Variants in PCDH7 observed in about 807,000 individuals in gnomAD.
The protein encoded by PCDH7 is protocadherin-7.
A neutral mutation model predicts 58.9 loss-of-function variants in PCDH7; 17 were observed. The observed-to-expected ratio is 0.29, with a 90% CI of 0.20 to 0.43. PCDH7 has a LOEUF of 0.43. PCDH7 is among the 20% of genes least tolerant of loss of function. PCDH7 has a pLI of 1.00. For missense variants in PCDH7, 1,274 were observed against 1,441.0 expected (o/e 0.88, Z 1.88); for synonymous variants, 664 against 616.4 (o/e 1.08, Z -1.14).
At chr4:30,953,097 C>G (rs1252954451) in intron 3 of PCDH7, among the ~76,000 whole-genome samples, 1 of 152,078 alleles carries the variant, frequency 6.6e-6, no homozygotes, top group East Asian at 1.9e-4. Flanking sequence ...TTAGATTGTG[C>G]ATGCACCCCT....
chr4:31,043,246 T>C (rs548498531), intron 3 of PCDH7, among the ~76,000 whole-genome samples: 2 of 152,212 alleles, frequency 1.3e-5, no homozygotes, highest in African/African-American at 4.8e-5. Flanking sequence ...AATGAACATA[T>C]GCGTGCATGT....
intron 1 of PCDH7, among the ~76,000 whole-genome samples, chr4:30,836,548 G>T (rs1730504647): frequency 6.6e-6 from 1 of 152,160 alleles, no homozygotes; most frequent in African/African-American, 2.4e-5. Flanking sequence ...CTGCCCAGGA[G>T]ATTGTATATG....
intron 3 of PCDH7, among the ~76,000 whole-genome samples, chr4:30,972,333 G>T (rs1749665072): frequency 1.3e-5 from 2 of 151,910 alleles, no homozygotes; most frequent in African/African-American, 4.8e-5. Flanking sequence ...TTAAAACTTT[G>T]ATTTTTGTGT....
At chr4:30,812,460 T>A (rs1298896497) in intron 1 of PCDH7, among the ~76,000 whole-genome samples, 1 of 152,208 alleles carries the variant, frequency 6.6e-6, no homozygotes, top group Admixed American at 6.5e-5. Flanking sequence ...AATTCTTAAG[T>A]ATATTGTATG....
At chr4:30,736,636 C>T (rs1326194012), downstream of PCDH7, among the ~76,000 whole-genome samples, 1 of 150,838 alleles carries the variant, frequency 6.6e-6, no homozygotes, top group Non-Finnish European at 1.5e-5. Flanking sequence ...CCCGGATTCG[C>T]GCCATTCTCC....
At position 31,062,348 on chromosome 4, in the gene PCDH7, G is replaced by A. The variant is rs543764433; in HGVS notation, c.*8-80125G>A. ...GGATAACGCATAGAAAAGAAATCAA[G>A]TAATACATAAAGGAACCAATATAGA... On this transcript the variant is annotated intron_variant, in intron 3 of 3. Coordinates refer to the PCDH7 transcript ENST00000509759. Among the ~76,000 whole-genome samples, 4 of 151,750 alleles carry A rather than the reference G, an allele frequency of 2.6e-5. No homozygotes were observed. The East Asian group carries it at 5.8e-4, about 22-fold the overall frequency.
At chr4:31,064,386 T>C (rs762082523) in intron 3 of PCDH7, among the ~76,000 whole-genome samples, 1 of 152,138 alleles carries the variant, frequency 6.6e-6, no homozygotes, top group East Asian at 1.9e-4. Flanking sequence ...TCTGTGTTTG[T>C]AGGGCGTGTG....
At position 31,092,730 on chromosome 4, in the gene PCDH7, G is replaced by A. The variant is rs114149810; in HGVS notation, c.*8-49743G>A. 9.1e-3 allele frequency among the ~76,000 whole-genome samples: 1,387 copies of A among 152,078 alleles called. 14 individuals carry two copies. The highest frequency in any genetic ancestry group is 0.052 in the South Asian group (249 of 4,820). On this transcript the variant is annotated intron_variant, in intron 3 of 3. Coordinates refer to the PCDH7 transcript ENST00000509759. Reference sequence around the variant, plus strand: ...CGGTTGAATAAACTAGAGACCTAGAGAGGGACCAGCCTCTCTAAATCTAAT... The same window carrying A: ...CGGTTGAATAAACTAGAGACCTAGAAAGGGACCAGCCTCTCTAAATCTAAT...
chr4:30,760,596 T>C (rs984292789), intron 1 of PCDH7, among the ~76,000 whole-genome samples: 1 of 152,024 alleles, frequency 6.6e-6, no homozygotes, highest in South Asian at 2.1e-4. Flanking sequence ...CCATTCACAA[T>C]TGCCACAAAG....
intron 1 of PCDH7, among the ~76,000 whole-genome samples, chr4:30,769,631 T>C (rs1179797761): frequency 4.6e-5 from 7 of 152,218 alleles, no homozygotes; most frequent in Non-Finnish European, 8.8e-5. Context: ...GTCTATACTA[T>C]TTTGAGGATC....
At chr4:30,739,161 T>A (rs1364029528) in intron 1 of PCDH7, among the ~76,000 whole-genome samples, 3 of 135,626 alleles carry the variant, frequency 2.2e-5, no homozygotes, top group Admixed American at 2.1e-4. Flanking sequence ...ATATATATAT[T>A]ATATATATAT....
At chr4:31,009,650 T>TTCA (rs1365455991) in intron 3 of PCDH7, among the ~76,000 whole-genome samples, 1 of 151,944 alleles carries the variant, frequency 6.6e-6, no homozygotes, top group Non-Finnish European at 1.5e-5. Flanking sequence ...TCTATATATA[T>TTCA]TCATCATCTC....
At chr4:30,725,664 T>A (rs1039040862) in intron 1 of PCDH7, among the ~76,000 whole-genome samples, 10 of 152,088 alleles carry the variant, frequency 6.6e-5, no homozygotes, top group African/African-American at 2.4e-4. Context: ...AATAAAACAT[T>A]ACGTATTTCT....
At chr4:30,956,929 C>A (rs1747915645) in intron 3 of PCDH7, among the ~76,000 whole-genome samples, 1 of 152,128 alleles carries the variant, frequency 6.6e-6, no homozygotes. Context: ...CACTAGGTAG[C>A]ATAGGCTGCT....
Position 30,865,523 on chromosome 4 carries a change from C to T in PCDH7, c.71-54630C>T, listed in dbSNP as rs542614624. Among the ~76,000 whole-genome samples the T allele has an allele frequency of 7.9e-5, 12 of 152,060 alleles. No homozygotes were observed. The East Asian group carries it at 2.1e-3, about 27-fold the overall frequency. On this transcript the variant is annotated intron_variant, in intron 1 of 3. Transcript: ENST00000509759. ...TTTGGACATGTGAGCAACATTGTTC[C>T]AACCATATTAAATACCACCTCGTAA...
At chr4:30,759,999 C>T (rs552010684) in intron 1 of PCDH7, among the ~76,000 whole-genome samples, 4 of 152,160 alleles carry the variant, frequency 2.6e-5, no homozygotes, top group Admixed American at 6.5e-5. Flanking sequence ...ATAGTGGCAC[C>T]TCCTCTCTAC....
chr4:30,894,490 AAT>A (rs1553909430), intron 1 of PCDH7, among the ~76,000 whole-genome samples: 76 of 33,512 alleles, frequency 2.3e-3, no homozygotes, highest in Admixed American at 6.8e-3. Flanking sequence ...AAAAAAAAAA[AAT>A]ATATATATAT....
intron 1 of PCDH7, among the ~76,000 whole-genome samples, chr4:30,880,217 G>A (rs1475472253): frequency 2.0e-5 from 3 of 151,532 alleles, no homozygotes; most frequent in African/African-American, 7.3e-5. Flanking sequence ...AATATATGTT[G>A]CTTCCTCTAA....
chr4:30,929,311 T>C (rs1309952644), intron 2 of PCDH7, among the ~76,000 whole-genome samples: 2 of 152,206 alleles, frequency 1.3e-5, no homozygotes, highest in Non-Finnish European at 2.9e-5. Context: ...TACAGGTATT[T>C]ATATTACAAT....
Sources: allele counts gnomAD v4.1 joint callset (sites outside exome capture counted in the v4.1 genomes callset), GRCh38; gene constraint gnomAD v4.1.1; transcripts MANE v1.5; gene names NCBI Gene and HGNC (gene_info 2026-07-23, HGNC 2026-07-21).